Variants in BRIP1 observed in about 807,000 individuals in gnomAD.
BRIP1 encodes the protein BRCA1 interacting DNA helicase 1, also known as Fanconi anemia group J protein.
A neutral mutation model predicts 119.7 loss-of-function variants in BRIP1; 88 were observed. The observed-to-expected ratio is 0.74, with a 90% CI of 0.62 to 0.88. The LOEUF (loss-of-function observed/expected upper bound fraction) is 0.88, where lower values mean the gene tolerates loss of function less well. Among genes scored for constraint, BRIP1 ranks in the 40% least tolerant of loss-of-function variants. BRIP1 has a pLI of 0.00. For missense variants in BRIP1, 1,259 were observed against 1,455.4 expected, an observed-to-expected ratio of 0.87 and a Z score of 2.20; for synonymous variants, 443 against 496.5, an observed-to-expected ratio of 0.89 and a Z score of 1.43.
rs1405318005 is a variant in BRIP1, at chr17:61,692,333, T to G, written c.2575+1097A>C. Among the ~76,000 whole-genome samples the G allele has an allele frequency of 2.6e-5, 4 of 152,214 alleles. No homozygotes were observed. In the East Asian group the frequency reaches 7.7e-4, roughly 29 times the overall value. On this transcript the variant is annotated intron_variant, in intron 18 of 19. Transcript: ENST00000259008. ...AGACCATGTTAAACTAAAAAACTTC[T>G]GTGCAGCAAAGTAAATAATCAGCAG... is the stretch of plus-strand genomic sequence containing the variant.
rs538291661 is a variant in BRIP1, at chr17:61,796,427, T to G, written c.1340+2673A>C. 6.6e-6 allele frequency among the ~76,000 whole-genome samples: 1 copy of G among 152,260 alleles called. No individual in the cohort carries two copies. Among genetic ancestry groups the G allele is most frequent in the East Asian group, 1.9e-4 (1 of 5,178 alleles). Reference sequence around the variant, plus strand: ...TCTTTAATCTATTTTGATTTGATTTTTGTTAATGGTGAAAGATAGGGGTCT... The same window carrying G: ...TCTTTAATCTATTTTGATTTGATTTGTGTTAATGGTGAAAGATAGGGGTCT... On this transcript the variant is annotated intron_variant, in intron 9 of 19. Coordinates refer to ENST00000259008, the MANE Select transcript of BRIP1 (RefSeq NM_032043.3). The surrounding 1 kb of genome is among the most constrained non-coding windows in gnomAD (Gnocchi z 4.8).
rs2078774651 is a variant in BRIP1 at position 61,848,986 on chromosome 17, C to T, written c.507+143G>A. ...AACTCCTTTGTAACAAGTAACTCTA[C>T]AAAATGAAATTACAACAAATTATTA... On this transcript the variant is annotated intron_variant, in intron 5 of 19. Transcript: ENST00000259008. This position sits in a 1 kb window ranked among gnomAD's most constrained non-coding sequence, Gnocchi z 4.3. 2 of 967,906 alleles carry T rather than the reference C, an allele frequency of 2.1e-6. No individual in the cohort carries two copies. Among genetic ancestry groups the T allele is most frequent in the Non-Finnish European group, 3.2e-6 (2 of 629,280 alleles). The allele number at this position is 967,906 out of a possible 1,614,324, so 60.0% of individuals were successfully genotyped here.
Position 61,853,704 on chromosome 17 carries a change from G to T in BRIP1, c.379+3354C>A, listed in dbSNP as rs1355275045. 6.6e-6 allele frequency among the ~76,000 whole-genome samples: 1 copy of T among 152,132 alleles called. No individual in the cohort carries two copies. Among genetic ancestry groups the T allele is most frequent in the Admixed American group, 6.5e-5 (1 of 15,272 alleles). On this transcript the variant is annotated intron_variant, in intron 4 of 19. Coordinates refer to ENST00000259008, the MANE Select transcript of BRIP1 (RefSeq NM_032043.3). This position sits in a 1 kb window ranked among gnomAD's most constrained non-coding sequence, Gnocchi z 4.3. ...ACTGGATATCCACATGCAAAAAAAT[G>T]AACTTGAATCCATACCTTACACCAT...
In BRIP1 at chr17:61,683,428, A is replaced by G; in HGVS notation, c.3618T>C (p.Ile1206=). 6.2e-7 allele frequency: 1 copy of G among 1,613,658 alleles called. No homozygotes were observed. Among genetic ancestry groups the G allele is most frequent in the South Asian group, 1.1e-5 (1 of 91,014 alleles). The change falls in exon 20 of 20, where the codon ATT becomes ATC. Residue 1206 remains isoleucine, a synonymous_variant. Transcript: ENST00000259008. The surrounding 1 kb of genome is among the most constrained non-coding windows in gnomAD (Gnocchi z 4.7). ...TTTTTACATTACCATCAATGTCATC[A>G]ATTTTACTTTCTTCAATATGCAGAA... ...NGILHIEESK[I]DDIDGNVKTT...
chr17:61,825,401 G>C lies in BRIP1; in HGVS notation c.628-16644C>G, dbSNP rs1484993966. Among the ~76,000 whole-genome samples the C allele has an allele frequency of 6.6e-6, 1 of 151,900 alleles. No individual in the cohort carries two copies. The highest frequency in any genetic ancestry group is 1.9e-4 in the East Asian group (1 of 5,182). On this transcript the variant is annotated intron_variant, in intron 6 of 19. Transcript: ENST00000259008. This position sits in a 1 kb window ranked among gnomAD's most constrained non-coding sequence, Gnocchi z 4.1. ...CAATCTGACAAGAGAAAGAAATAAA[G>C]GGCATCCAAATAGGAAGAGAGGAAG...
rs1211470864 is a variant in BRIP1, at chr17:61,824,263, C to T, written c.628-15506G>A. ...GAAAATGTGTTTCAAAACAAAGCGA[C>T]GGTTCCTATCAATAACCCAATGAAG... On this transcript the variant is annotated intron_variant, in intron 6 of 19. Transcript: ENST00000259008. This position sits in a 1 kb window ranked among gnomAD's most constrained non-coding sequence, Gnocchi z 4.3. Among the ~76,000 whole-genome samples the T allele has an allele frequency of 1.3e-5, 2 of 152,032 alleles. No homozygotes were observed. The highest frequency in any genetic ancestry group is 2.9e-5 in the Non-Finnish European group (2 of 68,040).
chr17:61,855,898 C>T (rs1004326198), intron 4 of BRIP1, among the ~76,000 whole-genome samples: 3 of 151,928 alleles, frequency 2.0e-5, no homozygotes, highest in African/African-American at 4.8e-5. Context: ...GTAACAAGTG[C>T]TATAAAGGAA....
chr17:61,839,341 G>A (rs2145684149), intron 6 of BRIP1, among the ~76,000 whole-genome samples: 1 of 151,400 alleles, frequency 6.6e-6, no homozygotes, highest in African/African-American at 2.4e-5. Flanking sequence ...CTATTTTTAT[G>A]TTAGGAAGAA....
In BRIP1 at chr17:61,682,638, G is replaced by A. The variant is rs1188925761; in HGVS notation, c.*658C>T. On this transcript the variant is annotated 3_prime_UTR_variant, in exon 20 of 20. Transcript: ENST00000259008. This position sits in a 1 kb window ranked among gnomAD's most constrained non-coding sequence, Gnocchi z 4.9. ...ACTGATTTGAGGTAAAATCTATAGC[G>A]AAATATGACTGAGGTGTCACTAGAT... The A allele has an allele frequency of 3.6e-5, 7 of 196,520 alleles. No homozygotes were observed. The highest frequency in any genetic ancestry group is 1.2e-4 in the Admixed American group (2 of 16,500). The allele number at this position is 196,520 out of a possible 1,614,324, so 12.2% of individuals were successfully genotyped here. A position where few individuals can be genotyped will look rare whatever the true frequency, so the allele number is the denominator to read the frequency against.
At position 61,780,249 on chromosome 17, in the gene BRIP1, AC is replaced by A. The variant is rs2145073750; in HGVS notation, c.1935+11del. 6.2e-7 allele frequency: 1 copy of A among 1,609,828 alleles called. No individual in the cohort carries two copies. The highest frequency in any genetic ancestry group is 8.5e-7 in the Non-Finnish European group (1 of 1,177,732). On this transcript the variant is annotated intron_variant, in intron 13 of 19. Coordinates refer to ENST00000259008, the MANE Select transcript of BRIP1 (RefSeq NM_032043.3). The surrounding 1 kb of genome is among the most constrained non-coding windows in gnomAD (Gnocchi z 5.4). ...CACTGAAGGCCTTCCAAAAAAAAAA[AC>A]AACAACTAACCTGTGAATTTTTAAT...
rs2061615979 is a variant in BRIP1, at chr17:61,701,647, A to G, written c.2493-8135T>C. Among the ~76,000 whole-genome samples the G allele has an allele frequency of 6.6e-6, 1 of 152,214 alleles. No individual in the cohort carries two copies. Among genetic ancestry groups the G allele is most frequent in the Admixed American group, 6.5e-5 (1 of 15,284 alleles). The stretch of plus-strand genomic sequence containing the variant: ...TGCATGGCCCACTAAAATCCCAGGA[A>G]TATGTCAGAACTTTAAAAGCTCTCT... On this transcript the variant is annotated intron_variant, in intron 17 of 19. Coordinates refer to ENST00000259008, the MANE Select transcript of BRIP1 (RefSeq NM_032043.3). The surrounding 1 kb of genome is among the most constrained non-coding windows in gnomAD (Gnocchi z 5.1).
rs1490117618 is a variant in BRIP1, at chr17:61,693,939, G to C, written c.2493-427C>G. ...TAAAATTCAATTGACATAACATGTA[G>C]TTTTTCTTCTTTTGACTGTTAATAT... On this transcript the variant is annotated intron_variant, in intron 17 of 19. Transcript: ENST00000259008. The surrounding 1 kb of genome is among the most constrained non-coding windows in gnomAD (Gnocchi z 4.2). 2.6e-5 allele frequency among the ~76,000 whole-genome samples: 4 copies of C among 151,924 alleles called. No homozygotes were observed. Among genetic ancestry groups the C allele is most frequent in the Admixed American group, 1.3e-4 (2 of 15,250 alleles).
rs2077403579 is a variant in BRIP1, at chr17:61,768,574, A to G, written c.2097+7827T>C. On this transcript the variant is annotated intron_variant, in intron 14 of 19. Coordinates refer to ENST00000259008, the MANE Select transcript of BRIP1 (RefSeq NM_032043.3). The surrounding 1 kb of genome is among the most constrained non-coding windows in gnomAD (Gnocchi z 5.0). ...ATTTCATAAATATCATTTCACTTCT[A>G]TTAATATTTTCATATGCCATAGTCA... 6.6e-6 allele frequency among the ~76,000 whole-genome samples: 1 copy of G among 152,154 alleles called. No individual in the cohort carries two copies. Among genetic ancestry groups the G allele is most frequent in the African/African-American group, 2.4e-5 (1 of 41,434 alleles).
chr17:61,861,275 T>TA lies in BRIP1; in HGVS notation c.93+171dup, dbSNP rs2078968594. Among the ~76,000 whole-genome samples the TA allele has an allele frequency of 6.6e-6, 1 of 152,202 alleles. No individual in the cohort carries two copies. The highest frequency in any genetic ancestry group is 1.5e-5 in the Non-Finnish European group (1 of 68,032). ...TTCTTCTTTGCCTTAACCACAGATATATACAGTTTAGCTGCAATCAGTAGT... is the reference window on the plus strand; with the variant it reads ...TTCTTCTTTGCCTTAACCACAGATATAATACAGTTTAGCTGCAATCAGTAGT... On this transcript the variant is annotated intron_variant, in intron 2 of 19. Coordinates refer to ENST00000259008, the MANE Select transcript of BRIP1 (RefSeq NM_032043.3). This position sits in a 1 kb window ranked among gnomAD's most constrained non-coding sequence, Gnocchi z 4.5.
rs778992385 is a variant in BRIP1, at chr17:61,799,256, G to T, written c.1184C>A (p.Ala395Asp). 1.9e-6 allele frequency: 3 copies of T among 1,613,354 alleles called. No individual in the cohort carries two copies. In the South Asian group the frequency reaches 3.3e-5, roughly 18 times the overall value. ...LKEQVVILDE[A>D]HNIEDCARES... The stretch of plus-strand genomic sequence containing the variant: ...CCGAGCACAGTCCTCGATGTTATGA[G>T]CTTCATCTAAAATGACAACCTGTTC... Residue 395 changes from alanine to aspartate, a missense_variant, in exon 9 of 20, where the codon GCT becomes GAT. By Grantham distance (126) the Ala-to-Asp change is moderately radical. Around this residue, in one of 3 missense-constraint regions of BRIP1, gnomAD observed 501 missense variants for 544.0 expected, o/e 0.92. Coordinates refer to ENST00000259008, the MANE Select transcript of BRIP1 (RefSeq NM_032043.3). The surrounding 1 kb of genome is among the most constrained non-coding windows in gnomAD (Gnocchi z 5.1).
Position 61,841,528 on chromosome 17 carries a change from A to G in BRIP1, c.627+5573T>C, listed in dbSNP as rs2078657203. On this transcript the variant is annotated intron_variant, in intron 6 of 19. Coordinates refer to ENST00000259008, the MANE Select transcript of BRIP1 (RefSeq NM_032043.3). The surrounding 1 kb of genome is among the most constrained non-coding windows in gnomAD (Gnocchi z 4.1). ...TCTCACTCAGTTAGAATGGCTTACTATCGAAAAGACAAAAAAAAATAACAA... is the reference window on the plus strand; with the variant it reads ...TCTCACTCAGTTAGAATGGCTTACTGTCGAAAAGACAAAAAAAAATAACAA... Among the ~76,000 whole-genome samples, 1 of 152,096 alleles carries G rather than the reference A, an allele frequency of 6.6e-6. No individual in the cohort carries two copies.
chr17:61,764,506 T>A (rs886587863), intron 14 of BRIP1, among the ~76,000 whole-genome samples: 1 of 152,120 alleles, frequency 6.6e-6, no homozygotes, highest in Admixed American at 6.6e-5. Flanking sequence ...TTAACGTCCC[T>A]CCTGACACCA....
At position 61,827,071 on chromosome 17, in the gene BRIP1, C is replaced by T. The variant is rs1421467318; in HGVS notation, c.628-18314G>A. 7.3e-6 allele frequency among the ~76,000 whole-genome samples: 1 copy of T among 137,266 alleles called. No individual in the cohort carries two copies. Among genetic ancestry groups the T allele is most frequent in the Non-Finnish European group, 1.6e-5 (1 of 64,118 alleles). 90.1% of individuals were successfully genotyped at this position (137,266 alleles called of 152,430 possible). A position where few individuals can be genotyped will look rare whatever the true frequency, so the allele number is the denominator to read the frequency against. ...ATTTTAAAAATGTGGTACATATACA[C>T]TGTGGAATACTATGTAGCCATAAAA... is the stretch of plus-strand genomic sequence containing the variant. On this transcript the variant is annotated intron_variant, in intron 6 of 19. Transcript: ENST00000259008. This position sits in a 1 kb window ranked among gnomAD's most constrained non-coding sequence, Gnocchi z 5.8.
chr17:61,847,328 AAAG>A, intron 5 of BRIP1, 108 bp from the exon 6 acceptor site: 2 of 1,243,930 alleles, frequency 1.6e-6, no homozygotes, highest in Non-Finnish European at 1.2e-6. Flanking sequence ...GCATCCAAAA[AAAG>A]ACTATTTCTA....
Sources: gnomAD v4.1 joint callset for allele counts (sites outside exome capture counted in the v4.1 genomes callset) on GRCh38, gnomAD v4.1.1 for gene constraint, gnomAD v4.1.1 regional missense constraint, Gnocchi (gnomAD v3.1) non-coding constraint, MANE v1.5 for transcripts, NCBI Gene and HGNC (gene_info 2026-07-23, HGNC 2026-07-21) for gene names.